The following IQCH variants were observed in gnomAD, a reference collection of about 807,000 sequenced individuals.
IQCH encodes the protein IQ domain-containing protein H.
In IQCH, 98 loss-of-function variants were observed where a neutral mutation model predicts 117.0. That is an observed-to-expected ratio of 0.84 (90% CI 0.71 to 0.99). The LOEUF (loss-of-function observed/expected upper bound fraction) is 0.99. IQCH is among the 50% of genes least tolerant of loss of function. The pLI, the probability that IQCH is intolerant of heterozygous loss-of-function variation, is 0.00. For missense variants in IQCH, 1,102 were observed against 1,243.8 expected (o/e 0.89, Z 1.72); for synonymous variants, 412 against 448.2 (o/e 0.92, Z 1.02).
chr15:67,318,190 C>T (rs1967939680), intron 4 of IQCH, among the ~76,000 whole-genome samples: 1 of 152,084 alleles, frequency 6.6e-6, no homozygotes, highest in African/African-American at 2.4e-5. Flanking sequence ...GATGTATGAT[C>T]TTTCTCCCTT....
In IQCH at chr15:67,445,852, A is replaced by C. The variant is rs2082379394; in HGVS notation, c.2506-19275A>C. On this transcript the variant is annotated intron_variant, in intron 16 of 20. Coordinates refer to ENST00000335894, the MANE Select transcript of IQCH (RefSeq NM_001031715.3). The surrounding 1 kb of genome is among the most constrained non-coding windows in gnomAD (Gnocchi z 4.3). ...AACCAATAGAAGTCCAAATAATGCA[A>C]CAAAATTCACCTCCCATACAGAGGA... Among the ~76,000 whole-genome samples, 2 of 152,228 alleles carry C rather than the reference A, an allele frequency of 1.3e-5. No individual in the cohort carries two copies. The highest frequency in any genetic ancestry group is 2.9e-5 in the Non-Finnish European group (2 of 68,046).
At chr15:67,324,878 C>A (rs1968334676) in intron 4 of IQCH, among the ~76,000 whole-genome samples, 1 of 151,876 alleles carries the variant, frequency 6.6e-6, no homozygotes, top group African/African-American at 2.4e-5. Flanking sequence ...TTATCATATG[C>A]TTGAATGTAG....
In IQCH at chr15:67,479,128, G is replaced by A. The variant is rs2083282737; in HGVS notation, c.2799+3310G>A. 6.6e-6 allele frequency among the ~76,000 whole-genome samples: 1 copy of A among 152,116 alleles called. No homozygotes were observed. The highest frequency in any genetic ancestry group is 1.5e-5 in the Non-Finnish European group (1 of 68,028). ...TGTCTTAATTGCCTTTTCTTGGATGGGAGGTTGGTAAGTGGTGAACCAGCA... is the reference window on the plus strand; with the variant it reads ...TGTCTTAATTGCCTTTTCTTGGATGAGAGGTTGGTAAGTGGTGAACCAGCA... On this transcript the variant is annotated intron_variant, in intron 18 of 20. Transcript: ENST00000335894. The surrounding 1 kb of genome is among the most constrained non-coding windows in gnomAD (Gnocchi z 4.6).
intron 15 of IQCH, among the ~76,000 whole-genome samples, chr15:67,420,928 G>A (rs1017605726): frequency 3.3e-5 from 5 of 152,164 alleles, no homozygotes; most frequent in African/African-American, 9.7e-5. Flanking sequence ...TGGACTATGG[G>A]CCGTTAATTC....
rs914499637 is a variant in IQCH at position 67,365,314 on chromosome 15, C to T, written c.753+5429C>T. Among the ~76,000 whole-genome samples, 3 of 152,130 alleles carry T rather than the reference C, an allele frequency of 2.0e-5. No individual in the cohort carries two copies. The highest frequency in any genetic ancestry group is 7.2e-5 in the African/African-American group (3 of 41,440). ...AGTAGCCAAACTTTGCATTAGTGCT[C>T]CAAAACTCAAGCTATAAGTTTGCAA... On this transcript the variant is annotated intron_variant, in intron 8 of 20. Transcript: ENST00000335894. The surrounding 1 kb of genome is among the most constrained non-coding windows in gnomAD (Gnocchi z 4.4).
intron 4 of IQCH, among the ~76,000 whole-genome samples, chr15:67,311,574 A>G (rs1049430947): frequency 2.0e-5 from 3 of 148,202 alleles, no homozygotes; most frequent in Admixed American, 1.4e-4. Context: ...TAAATATATA[A>G]TATAAATATT....
intron 16 of IQCH, among the ~76,000 whole-genome samples, chr15:67,455,862 T>A (rs913725568): frequency 6.6e-6 from 1 of 152,248 alleles, no homozygotes; most frequent in African/African-American, 2.4e-5. Flanking sequence ...GGAAGGCGCA[T>A]ATACAATTAC....
rs1244652673 is a variant in IQCH at position 67,436,792 on chromosome 15, C to T, written c.2505+15215C>T. On this transcript the variant is annotated intron_variant, in intron 16 of 20. Coordinates refer to ENST00000335894, the MANE Select transcript of IQCH (RefSeq NM_001031715.3). This position sits in a 1 kb window ranked among gnomAD's most constrained non-coding sequence, Gnocchi z 5.1. The stretch of plus-strand genomic sequence containing the variant: ...GTGACTGCTGGCTTTCCCCCACTTC[C>T]CTGACAACCTGCATGACTCAGCAGA... 1.3e-5 allele frequency among the ~76,000 whole-genome samples: 2 copies of T among 152,094 alleles called. No homozygotes were observed. The highest frequency in any genetic ancestry group is 4.8e-5 in the African/African-American group (2 of 41,410).
At chr15:67,382,468 T>G (rs1005910500) in intron 10 of IQCH, among the ~76,000 whole-genome samples, 1 of 152,228 alleles carries the variant, frequency 6.6e-6, no homozygotes, top group Non-Finnish European at 1.5e-5. Flanking sequence ...ATATATTCAC[T>G]GGTTGTGGGT....
intron 4 of IQCH, among the ~76,000 whole-genome samples, chr15:67,324,182 T>G (rs1464501381): frequency 1.3e-5 from 2 of 151,812 alleles, no homozygotes; most frequent in Non-Finnish European, 2.9e-5. Context: ...CCTCACCTTG[T>G]GATCCATCCA....
At position 67,431,230 on chromosome 15, in the gene IQCH, C is replaced by T. The variant is rs1253202472; in HGVS notation, c.2505+9653C>T. Among the ~76,000 whole-genome samples the T allele has an allele frequency of 6.6e-6, 1 of 152,132 alleles. No individual in the cohort carries two copies. Among genetic ancestry groups the T allele is most frequent in the African/African-American group, 2.4e-5 (1 of 41,410 alleles). On this transcript the variant is annotated intron_variant, in intron 16 of 20. Coordinates refer to ENST00000335894, the MANE Select transcript of IQCH (RefSeq NM_001031715.3). This position sits in a 1 kb window ranked among gnomAD's most constrained non-coding sequence, Gnocchi z 4.8. ...ATATAGCAATTCTCCCATTCCTGTT[C>T]CTCATATAAAAGTCTCTAAACAAAT...
At chr15:67,275,204 T>G (rs928601401) in intron 3 of IQCH, among the ~76,000 whole-genome samples, 1 of 152,202 alleles carries the variant, frequency 6.6e-6, no homozygotes, top group Non-Finnish European at 1.5e-5. Context: ...AGGTCTTTTG[T>G]CAGGAACCCA....
intron 5 of IQCH, among the ~76,000 whole-genome samples, chr15:67,339,876 C>G (rs186261589): frequency 3.9e-5 from 6 of 152,248 alleles, no homozygotes; most frequent in Admixed American, 3.9e-4. Context: ...ATAAAATCCC[C>G]TATTATTTGC....
chr15:67,290,588 C>T (rs1379958674), intron 4 of IQCH, among the ~76,000 whole-genome samples: 6 of 151,978 alleles, frequency 3.9e-5, no homozygotes, highest in Non-Finnish European at 8.8e-5. Flanking sequence ...AGGCTGATTT[C>T]AGAAATGTTA....
chr15:67,326,763 G>T (rs1265740566), intron 4 of IQCH, among the ~76,000 whole-genome samples: 4 of 152,062 alleles, frequency 2.6e-5, no homozygotes, highest in African/African-American at 9.7e-5. Context: ...ATTTTCAGAT[G>T]AATATATAAA....
intron 4 of IQCH, among the ~76,000 whole-genome samples, chr15:67,323,107 A>T (rs1968218127): frequency 6.6e-6 from 1 of 152,130 alleles, no homozygotes; most frequent in Non-Finnish European, 1.5e-5. Flanking sequence ...GTCAGTTTTC[A>T]CTGGGGACCT....
At chr15:67,260,552 A>G (rs990196203) in intron 1 of IQCH, among the ~76,000 whole-genome samples, 1 of 152,154 alleles carries the variant, frequency 6.6e-6, no homozygotes, top group Non-Finnish European at 1.5e-5. Context: ...TTTCAAAGAC[A>G]TTGCTTCTGC....
At chr15:67,269,724 T>A (rs1053700742) in intron 3 of IQCH, among the ~76,000 whole-genome samples, 2 of 135,802 alleles carry the variant, frequency 1.5e-5, no homozygotes, top group Non-Finnish European at 3.1e-5. Flanking sequence ...CTCCCACATG[T>A]GAGAACGTGA....
At chr15:67,281,551 G>A (rs2140478864) in intron 4 of IQCH, 1 of 359,168 alleles carries the variant, frequency 2.8e-6, no homozygotes, top group South Asian at 2.1e-5. Flanking sequence ...TGTAGATGCA[G>A]CCTCCTTCAG....
Sources: gnomAD v4.1 joint callset for allele counts (sites outside exome capture counted in the v4.1 genomes callset) on GRCh38, gnomAD v4.1.1 for gene constraint, Gnocchi (gnomAD v3.1) non-coding constraint, MANE v1.5 for transcripts, NCBI Gene and HGNC (gene_info 2026-07-23, HGNC 2026-07-21) for gene names.